The following ENTREP2 variants were observed in gnomAD, a reference collection of about 807,000 sequenced individuals.
ENTREP2 encodes the protein endosomal transmembrane epsin interactor 2.
chr15:29,480,359 A>AAAAC, the ENTREP2 span, among the ~76,000 whole-genome samples: 2 of 147,458 alleles, frequency 1.4e-5, no homozygotes, highest in Non-Finnish European at 3.0e-5. Context: ...AAAAAAAAAA[A>AAAAC]AAAAAAACCC....
chr15:29,164,388 A>G, the ENTREP2 span, among the ~76,000 whole-genome samples: 2 of 152,234 alleles, frequency 1.3e-5, no homozygotes, highest in African/African-American at 4.8e-5. Flanking sequence ...TTAAGGATAC[A>G]GAACTGCAGA....
chr15:29,379,145 T>C, the ENTREP2 span, among the ~76,000 whole-genome samples: 4 of 152,248 alleles, frequency 2.6e-5, no homozygotes, highest in African/African-American at 9.6e-5. Flanking sequence ...CACAGGTTCC[T>C]AGATGGGCCT....
chr15:29,594,601 G>C, the ENTREP2 span, among the ~76,000 whole-genome samples: 1 of 152,142 alleles, frequency 6.6e-6, no homozygotes, highest in Non-Finnish European at 1.5e-5. Flanking sequence ...TGAATTTTTT[G>C]AATGAGTGAA....
At chr15:29,423,307 G>A in the ENTREP2 span, among the ~76,000 whole-genome samples, 1 of 151,916 alleles carries the variant, frequency 6.6e-6, no homozygotes, top group Non-Finnish European at 1.5e-5. Flanking sequence ...GATAAGTTAG[G>A]GTTTTTTTCC....
At chr15:29,527,341 G>T in the ENTREP2 span, among the ~76,000 whole-genome samples, 1 of 152,164 alleles carries the variant, frequency 6.6e-6, no homozygotes, top group Admixed American at 6.5e-5. Flanking sequence ...GGGTTCCATG[G>T]GAAAATACCT....
At chr15:29,143,821 G>C in the ENTREP2 span, among the ~76,000 whole-genome samples, 159 of 152,242 alleles carry the variant, frequency 1.0e-3, no homozygotes, top group African/African-American at 3.7e-3. Flanking sequence ...AGAACAAAGA[G>C]GCCGACATAC....
At chr15:29,652,690 C>A in the ENTREP2 span, among the ~76,000 whole-genome samples, 1 of 152,370 alleles carries the variant, frequency 6.6e-6, no homozygotes, top group East Asian at 1.9e-4. Flanking sequence ...CCTCCAGCTG[C>A]AGCCTTGCAG....
chr15:29,483,050 G>A, the ENTREP2 span, among the ~76,000 whole-genome samples: 2 of 152,120 alleles, frequency 1.3e-5, no homozygotes, highest in African/African-American at 2.4e-5. Flanking sequence ...GGTGTGCAGT[G>A]GTATCTCACT....
At chr15:29,592,397 C>T in the ENTREP2 span, among the ~76,000 whole-genome samples, 1 of 152,188 alleles carries the variant, frequency 6.6e-6, no homozygotes, top group African/African-American at 2.4e-5. Flanking sequence ...GCTCTGGAAG[C>T]TGGGAAGTCC....
the ENTREP2 span, among the ~76,000 whole-genome samples, chr15:29,223,086 A>G: frequency 6.6e-6 from 1 of 152,330 alleles, no homozygotes; most frequent in Non-Finnish European, 1.5e-5. Context: ...CAAATCAAAC[A>G]AAGAAGCTGG....
At chr15:29,144,021 G>A in the ENTREP2 span, among the ~76,000 whole-genome samples, 3,550 of 152,270 alleles carry the variant, frequency 0.023, 62 homozygotes, top group Non-Finnish European at 0.03. Flanking sequence ...AACCACCGCA[G>A]GAAAACCCAG....
chr15:29,180,617 T>C, the ENTREP2 span, among the ~76,000 whole-genome samples: 1 of 152,068 alleles, frequency 6.6e-6, no homozygotes, highest in South Asian at 2.1e-4. Flanking sequence ...TGAGCCGAGA[T>C]CACGCCACTG....
At chr15:29,487,483 C>CT in the ENTREP2 span, among the ~76,000 whole-genome samples, 2 of 152,238 alleles carry the variant, frequency 1.3e-5, no homozygotes, top group Non-Finnish European at 2.9e-5. Context: ...CTCGCTCTCT[C>CT]TATCATGTTT....
At chr15:29,138,532 ATG>A in the ENTREP2 span, among the ~76,000 whole-genome samples, 1 of 151,342 alleles carries the variant, frequency 6.6e-6, no homozygotes, top group Admixed American at 6.6e-5. Context: ...GTGTGTCTGT[ATG>A]TGTGTGTTGT....
the ENTREP2 span, chr15:29,269,563 G>C: frequency 6.6e-6 from 10 of 1,526,290 alleles, no homozygotes; most frequent in South Asian, 1.2e-5. Context: ...GGACGTGCTC[G>C]GGGCCTCCTC....
chr15:29,446,808 T>C, the ENTREP2 span, among the ~76,000 whole-genome samples: 2 of 152,182 alleles, frequency 1.3e-5, no homozygotes, highest in Non-Finnish European at 1.5e-5. Flanking sequence ...CCACATTCCT[T>C]GGTTGTCAGC....
At chr15:29,571,699 C>G in the ENTREP2 span, among the ~76,000 whole-genome samples, 3 of 152,194 alleles carry the variant, frequency 2.0e-5, no homozygotes, top group African/African-American at 7.2e-5. Flanking sequence ...ATTAAACCAT[C>G]TCCACTCCCT....
At chr15:29,133,033 G>A in the ENTREP2 span, among the ~76,000 whole-genome samples, 1 of 152,136 alleles carries the variant, frequency 6.6e-6, no homozygotes, top group African/African-American at 2.4e-5. Context: ...AGGGGTTTCC[G>A]GGTCCATCTG....
the ENTREP2 span, among the ~76,000 whole-genome samples, chr15:29,229,044 A>G: frequency 1.3e-5 from 2 of 152,198 alleles, no homozygotes; most frequent in Non-Finnish European, 2.9e-5. Flanking sequence ...AATGCTATGG[A>G]AAATTAAATT....
Sources: allele counts gnomAD v4.1 joint callset (sites outside exome capture counted in the v4.1 genomes callset), GRCh38; gene constraint gnomAD v4.1.1; transcripts MANE v1.5; gene names NCBI Gene and HGNC (gene_info 2026-07-23, HGNC 2026-07-21).